Variants in PCCA observed in about 807,000 individuals in gnomAD.
PCCA encodes the protein propionyl-CoA carboxylase subunit alpha.
A neutral mutation model predicts 101.3 loss-of-function variants in PCCA; 74 were observed. That is an observed-to-expected ratio of 0.73 (90% CI 0.61 to 0.89). The LOEUF is 0.89. Among genes scored for constraint, PCCA ranks in the 40% least tolerant of loss-of-function variants. The pLI is 0.00. For synonymous variants in PCCA, 294 were observed against 313.6 expected, an observed-to-expected ratio of 0.94 and a Z score of 0.66; for missense variants, 891 against 907.0, an observed-to-expected ratio of 0.98 and a Z score of 0.23.
At chr13:100,451,715 C>CCTCTCT (rs71114697) in intron 21 of PCCA, among the ~76,000 whole-genome samples, 1,060 of 96,058 alleles carry the variant, frequency 0.011, 35 homozygotes, top group African/African-American at 0.029. Flanking sequence ...TCTCCTCTCT[C>CCTCTCT]CTCTCTCTCT....
intron 16 of PCCA, 33 bp from the exon 17 acceptor site, chr13:100,330,528 T>C (rs778935737): frequency 7.8e-7 from 1 of 1,275,092 alleles, no homozygotes; most frequent in East Asian, 2.3e-5. Flanking sequence ...CACTGATTCA[T>C]TGTTCTTCAA....
intron 20 of PCCA, among the ~76,000 whole-genome samples, chr13:100,444,725 G>A (rs2080679079): frequency 6.6e-6 from 1 of 152,116 alleles, no homozygotes; most frequent in African/African-American, 2.4e-5. Flanking sequence ...ACAGGCGTGA[G>A]CCACTGCACC....
intron 12 of PCCA, 53 bp downstream of exon 12, chr13:100,273,399 T>A: frequency 7.2e-7 from 1 of 1,394,892 alleles, no homozygotes; most frequent in Non-Finnish European, 1.0e-6. Context: ...TTACCCTTCC[T>A]TCTCCACCCT....
intron 2 of PCCA, among the ~76,000 whole-genome samples, chr13:100,104,860 T>C (rs1349766945): frequency 2.6e-5 from 4 of 152,112 alleles, no homozygotes; most frequent in African/African-American, 7.2e-5. Context: ...TACGTCACCA[T>C]GCCCGGCTAA....
chr13:100,173,450 T>C (rs2055912543), intron 6 of PCCA, among the ~76,000 whole-genome samples: 1 of 152,080 alleles, frequency 6.6e-6, no homozygotes, highest in African/African-American at 2.4e-5. Context: ...AAGTAAATAA[T>C]AAGAGATAGA....
At chr13:100,361,462 A>AAG (rs2074589219) in intron 18 of PCCA, among the ~76,000 whole-genome samples, 1 of 121,618 alleles carries the variant, frequency 8.2e-6, no homozygotes, top group Admixed American at 8.4e-5. Flanking sequence ...TTTTTTTTAA[A>AAG]TCTGCTGAAG....
chr13:100,288,453 C>T (rs529332468), intron 12 of PCCA, among the ~76,000 whole-genome samples: 23 of 152,266 alleles, frequency 1.5e-4, no homozygotes, highest in Admixed American at 6.5e-4. Context: ...TGCATCACCA[C>T]GCCTGGCTAA....
chr13:100,111,450 T>C (rs191689105), intron 2 of PCCA, among the ~76,000 whole-genome samples: 5 of 152,076 alleles, frequency 3.3e-5, no homozygotes, highest in African/African-American at 1.2e-4. Flanking sequence ...CGTGAGCCAC[T>C]GCACCCGGGC....
At chr13:100,347,165 A>G (rs956386927) in intron 18 of PCCA, among the ~76,000 whole-genome samples, 2 of 152,210 alleles carry the variant, frequency 1.3e-5, no homozygotes, top group African/African-American at 4.8e-5. Context: ...GTTAGCCACC[A>G]CGCCAGCCTA....
chr13:100,257,471 A>G, intron 8 of PCCA, 124 bp from the exon 9 acceptor site: 2 of 762,470 alleles, frequency 2.6e-6, no homozygotes, highest in Non-Finnish European at 4.6e-6. Flanking sequence ...CTGACTCTAA[A>G]GAAAGGAACT....
chr13:100,285,223 C>A (rs1021359844), intron 12 of PCCA, among the ~76,000 whole-genome samples: 16 of 152,168 alleles, frequency 1.1e-4, no homozygotes, highest in African/African-American at 3.9e-4. Context: ...AGCCAGGCCA[C>A]TCTGTACGCT....
At chr13:100,241,445 C>G (rs923258637) in intron 8 of PCCA, among the ~76,000 whole-genome samples, 1 of 152,016 alleles carries the variant, frequency 6.6e-6, no homozygotes, top group Non-Finnish European at 1.5e-5. Flanking sequence ...GGATAATTTT[C>G]TATTGTATGT....
At chr13:100,376,228 C>T (rs1215257876) in intron 19 of PCCA, among the ~76,000 whole-genome samples, 2 of 152,192 alleles carry the variant, frequency 1.3e-5, no homozygotes, top group Non-Finnish European at 2.9e-5. Context: ...AAAGCTTCGT[C>T]CCAGAGGGGC....
intron 7 of PCCA, among the ~76,000 whole-genome samples, chr13:100,216,679 A>G (rs941821145): frequency 1.3e-5 from 2 of 152,238 alleles, no homozygotes; most frequent in African/African-American, 4.8e-5. Flanking sequence ...ACCAAAAGAA[A>G]CCAAAAACCA....
At chr13:100,456,785 G>A (rs969708117) in intron 21 of PCCA, among the ~76,000 whole-genome samples, 5 of 152,168 alleles carry the variant, frequency 3.3e-5, no homozygotes, top group African/African-American at 7.2e-5. Flanking sequence ...CAGGAGTTAC[G>A]GGAGGAACAT....
rs2053578941 is a variant in PCCA at position 100,153,507 on chromosome 13, A to G, written c.301-1472A>G. Among the ~76,000 whole-genome samples the G allele has an allele frequency of 2.0e-5, 3 of 152,216 alleles. No homozygotes were observed. In the South Asian group the frequency reaches 6.2e-4, roughly 32 times the overall value. On this transcript the variant is annotated intron_variant, in intron 4 of 23. Coordinates refer to ENST00000376285, the MANE Select transcript of PCCA (RefSeq NM_000282.4). ...CAAAGACTTAAATGTATTCTTTTTA[A>G]AGGATTGTGAAGTACTCAATTTCTT...
intron 6 of PCCA, among the ~76,000 whole-genome samples, chr13:100,159,847 G>T (rs886535521): frequency 2.0e-5 from 3 of 152,146 alleles, no homozygotes; most frequent in Admixed American, 6.5e-5. Flanking sequence ...GTGTCTAACT[G>T]CTGCCTGCCC....
At chr13:100,379,595 A>G (rs912349417) in intron 19 of PCCA, among the ~76,000 whole-genome samples, 8 of 152,206 alleles carry the variant, frequency 5.3e-5, no homozygotes, top group Non-Finnish European at 8.8e-5. Flanking sequence ...TTTATAAATG[A>G]AACAGCTTTA....
chr13:100,441,630 A>C (rs550500977), intron 20 of PCCA, among the ~76,000 whole-genome samples: 1 of 152,356 alleles, frequency 6.6e-6, no homozygotes, highest in Admixed American at 6.5e-5. Context: ...TCAAAATAAG[A>C]AAAGGAGAAC....
Sources: gnomAD v4.1 joint callset for allele counts (sites outside exome capture counted in the v4.1 genomes callset) on GRCh38, gnomAD v4.1.1 for gene constraint, MANE v1.5 for transcripts, NCBI Gene and HGNC (gene_info 2026-07-23, HGNC 2026-07-21) for gene names.